Variants in SYN2 observed in about 807,000 individuals in gnomAD.
The protein encoded by SYN2 is synapsin II, also known as synapsin-2.
SYN2 carries 19 observed loss-of-function variants against 50.9 expected under a neutral mutation model. The ratio of observed to expected loss-of-function variants is 0.37; its 90% confidence interval spans 0.26 to 0.55. The LOEUF is 0.55. Among genes scored for constraint, SYN2 ranks in the 20% least tolerant of loss-of-function variants. The pLI is 0.81. For synonymous variants in SYN2, 255 were observed against 224.9 expected, an observed-to-expected ratio of 1.13 and a Z score of -1.20; for missense variants, 587 against 576.4, an observed-to-expected ratio of 1.02 and a Z score of -0.19.
intron 1 of SYN2, among the ~76,000 whole-genome samples, chr3:12,103,551 C>T (rs1696119954): frequency 6.6e-6 from 1 of 152,092 alleles, no homozygotes; most frequent in Non-Finnish European, 1.5e-5. Context: ...CAGGATCGCC[C>T]CATTACTTAC....
intron 4 of SYN2, among the ~76,000 whole-genome samples, chr3:12,146,136 G>A (rs868195689): frequency 2.6e-5 from 4 of 152,192 alleles, no homozygotes; most frequent in African/African-American, 4.8e-5. Flanking sequence ...CAAAGATACC[G>A]TGAAGAAGCC....
chr3:12,090,721 A>G (rs939463711), intron 1 of SYN2, among the ~76,000 whole-genome samples: 11 of 152,118 alleles, frequency 7.2e-5, no homozygotes, highest in African/African-American at 1.4e-4. Context: ...TCTACTTCCT[A>G]TTGTTCCTTG....
chr3:12,046,702 G>A (rs1018512373), intron 1 of SYN2, among the ~76,000 whole-genome samples: 2 of 152,160 alleles, frequency 1.3e-5, no homozygotes, highest in Admixed American at 1.3e-4. Context: ...CTGGACAAAA[G>A]TAGCAAACGT....
chr3:12,020,400 G>A (rs1233512330), intron 1 of SYN2, among the ~76,000 whole-genome samples: 1 of 142,532 alleles, frequency 7.0e-6, no homozygotes, highest in African/African-American at 2.7e-5. Context: ...GATTCCAGCT[G>A]TAGTGATATG....
intron 1 of SYN2, among the ~76,000 whole-genome samples, chr3:12,137,577 A>G (rs1410041054): frequency 1.3e-5 from 2 of 152,264 alleles, no homozygotes; most frequent in Admixed American, 6.5e-5. Flanking sequence ...GCCAATGCCA[A>G]TACATGTTTA....
chr3:12,087,475 C>G (rs1695728377), intron 1 of SYN2, among the ~76,000 whole-genome samples: 1 of 152,072 alleles, frequency 6.6e-6, no homozygotes, highest in African/African-American at 2.4e-5. Context: ...TTAAAGCTAT[C>G]TTAATGAAAA....
intron 1 of SYN2, among the ~76,000 whole-genome samples, chr3:12,022,568 T>A (rs1386766857): frequency 1.3e-5 from 2 of 151,984 alleles, no homozygotes; most frequent in Non-Finnish European, 2.9e-5. Flanking sequence ...CCACCATGCC[T>A]GGCTAATTTT....
At chr3:12,029,944 C>T (rs1349281055) in intron 1 of SYN2, among the ~76,000 whole-genome samples, 1 of 32,408 alleles carries the variant, frequency 3.1e-5, no homozygotes, top group Non-Finnish European at 4.9e-5. Flanking sequence ...GAGGGCATCC[C>T]TGTCTTGTGC....
chr3:12,106,791 AATC>A (rs1056826705), intron 1 of SYN2, among the ~76,000 whole-genome samples: 1 of 152,188 alleles, frequency 6.6e-6, no homozygotes, highest in Non-Finnish European at 1.5e-5. Flanking sequence ...TTTTTTCAAA[AATC>A]ATGTGTAATT....
chr3:12,143,030 G>A (rs1697058578), intron 3 of SYN2, among the ~76,000 whole-genome samples: 1 of 152,216 alleles, frequency 6.6e-6, no homozygotes, highest in Non-Finnish European at 1.5e-5. Flanking sequence ...GGCTCCTCCA[G>A]CTGTAGGTAG....
At chr3:12,147,195 GTGTGTGTGTA>G (rs1279902646) in intron 4 of SYN2, among the ~76,000 whole-genome samples, 11 of 137,428 alleles carry the variant, frequency 8.0e-5, no homozygotes, top group South Asian at 2.3e-4. Context: ...AGGGGTGTGT[GTGTGTGTGTA>G]TGTGTGTGTG....
rs370790286 is a variant in SYN2 at position 12,190,639 on chromosome 3, C to T, written c.*14C>T. 1.2e-4 allele frequency: 187 copies of T among 1,607,998 alleles called. No individual in the cohort carries two copies. In the Middle Eastern group the frequency reaches 2.3e-3, roughly 20 times the overall value. On this transcript the variant is annotated 3_prime_UTR_variant, in exon 13 of 13. Transcript: ENST00000621198. The stretch of plus-strand genomic sequence containing the variant: ...TTTTCAGATTAGCTCTTCAGACACA[C>T]GGGGCACCCAGCCCAACCGGGAAAG...
intron 5 of SYN2, chr3:12,159,032 G>A (rs1013375762): frequency 2.3e-5 from 16 of 706,866 alleles, no homozygotes; most frequent in Admixed American, 1.4e-4. Flanking sequence ...AGGCTCTTCC[G>A]ACCTGCATAC....
chr3:12,045,495 C>G (rs937083774), intron 1 of SYN2, among the ~76,000 whole-genome samples: 1 of 152,204 alleles, frequency 6.6e-6, no homozygotes, highest in East Asian at 1.9e-4. Context: ...GATGTTTTTC[C>G]CCCTTTGGAG....
intron 3 of SYN2, among the ~76,000 whole-genome samples, chr3:12,142,366 T>C (rs1697040115): frequency 1.3e-5 from 2 of 152,216 alleles, no homozygotes; most frequent in Admixed American, 1.3e-4. Flanking sequence ...ACAAACAGAC[T>C]TGAAAATGTC....
Position 12,167,264 on chromosome 3 carries a change from G to A in SYN2, c.1011G>A (p.Thr337=), listed in dbSNP as rs1420148278. ...CATCGATCTCAGGGAACTGGAAGAC[G>A]AACACTGGCTCTGCGATGCTGGAGC... ...MRTSISGNWK[T]NTGSAMLEQI... The change falls in exon 8 of 13, where the codon ACG becomes ACA. Residue 337 remains threonine (T), a synonymous_variant. Coordinates refer to ENST00000621198, the MANE Select transcript of SYN2 (RefSeq NM_133625.6). 3.1e-6 allele frequency: 5 copies of A among 1,613,054 alleles called. No homozygotes were observed. The highest frequency in any genetic ancestry group is 2.2e-5 in the South Asian group (2 of 90,556).
chr3:12,136,392 A>G (rs1696893146), intron 1 of SYN2, among the ~76,000 whole-genome samples: 1 of 152,218 alleles, frequency 6.6e-6, no homozygotes, highest in Non-Finnish European at 1.5e-5. Flanking sequence ...CATTAGCCCT[A>G]TTTTATAAAT....
chr3:12,104,951 A>T (rs2125191712), intron 1 of SYN2, among the ~76,000 whole-genome samples: 1 of 152,262 alleles, frequency 6.6e-6, no homozygotes, highest in African/African-American at 2.4e-5. Context: ...CATTAACTTG[A>T]TTCTTTTTGA....
chr3:12,118,334 CAGG>C (rs1386259907), intron 1 of SYN2, among the ~76,000 whole-genome samples: 1 of 152,280 alleles, frequency 6.6e-6, no homozygotes, highest in East Asian at 1.9e-4. Flanking sequence ...GAGGCTGAGG[CAGG>C]AGGATTGCTA....
Sources: allele counts gnomAD v4.1 joint callset (sites outside exome capture counted in the v4.1 genomes callset), GRCh38; gene constraint gnomAD v4.1.1; transcripts MANE v1.5; gene names NCBI Gene and HGNC (gene_info 2026-07-23, HGNC 2026-07-21).